ADGRG4: variants seen among roughly 807,000 people sequenced by gnomAD.
ADGRG4 encodes G protein-coupled receptor 112.
In ADGRG4, 122 loss-of-function variants were observed where a neutral mutation model predicts 126.2. That is an observed-to-expected ratio of 0.97 (90% CI 0.83 to 1.12). The LOEUF (loss-of-function observed/expected upper bound fraction) is 1.12, where lower values mean the gene tolerates loss of function less well. ADGRG4 is among the 50% of genes most tolerant of loss of function. The pLI, the probability that ADGRG4 is intolerant of heterozygous loss-of-function variation, is 0.00. For missense variants in ADGRG4, 2,481 were observed against 2,251.8 expected (o/e 1.10, Z -2.06); for synonymous variants, 943 against 838.7 (o/e 1.12, Z -2.15).
intron 4 of ADGRG4, among the ~76,000 whole-genome samples, chrX:136,321,653 G>T (rs1301544186): frequency 9.0e-6 from 1 of 111,536 alleles, no homozygotes; most frequent in African/African-American, 3.3e-5. Context: ...GTAATCCTCA[G>T]ATATTTACCT....
intron 15 of ADGRG4, among the ~76,000 whole-genome samples, 164 bp from the exon 16 acceptor site, chrX:136,387,576 C>CTGTG (rs757720379): frequency 7.3e-5 from 8 of 109,375 alleles, no homozygotes; most frequent in South Asian, 3.9e-4. Context: ...TGGCCTGTGA[C>CTGTG]TGTGTGTGTG....
chrX:136,302,200 T>G (rs145200043), intron 1 of ADGRG4, among the ~76,000 whole-genome samples: 2,351 of 112,124 alleles, frequency 0.021, 27 homozygotes, highest in Non-Finnish European at 0.033. Flanking sequence ...CAATATTGAT[T>G]CTTCCTACCC....
Position 136,354,473 on chromosome X carries a change from A to G in ADGRG4, c.6887+1072A>G, listed in dbSNP as rs2075081549. On this transcript the variant is annotated intron_variant, in intron 8 of 25. Transcript: ENST00000394143. The stretch of plus-strand genomic sequence containing the variant: ...AAACTGTTTTTTTTCCTCTGTTGTC[A>G]TACCAACACAACAATCAATATAGAA... Among the ~76,000 whole-genome samples the G allele has an allele frequency of 3.6e-5, 4 of 111,565 alleles. No individual in the cohort carries two copies. In the South Asian group the frequency reaches 1.5e-3, roughly 42 times the overall value.
At chrX:136,398,211 A>G (rs2075361256) in intron 20 of ADGRG4, among the ~76,000 whole-genome samples, 1 of 112,251 alleles carries the variant, frequency 8.9e-6, no homozygotes, top group Non-Finnish European at 1.9e-5. Flanking sequence ...TTGGGATAGG[A>G]AAAGATTTCT....
chrX:136,403,224 G>T lies in ADGRG4; in HGVS notation c.8576-20G>T, dbSNP rs763673600. ...CCCTGCTACCTGATGAAATGCCTTTGACTTGCTTTCCCACTGCAGGAATCC... is the reference window on the plus strand; with the variant it reads ...CCCTGCTACCTGATGAAATGCCTTTTACTTGCTTTCCCACTGCAGGAATCC... On this transcript the variant is annotated intron_variant, in intron 21 of 25. Coordinates refer to ENST00000394143, the MANE Select transcript of ADGRG4 (RefSeq NM_153834.4). 5.0e-6 allele frequency: 6 copies of T among 1,193,952 alleles called. No homozygotes were observed. In the Admixed American group the frequency reaches 1.3e-4, roughly 26 times the overall value.
At position 136,372,897 on chromosome X, in the gene ADGRG4, T is replaced by G; in HGVS notation, c.7614-5T>G. On this transcript the variant is annotated splice_region_variant and splice_polypyrimidine_tract_variant and intron_variant, in intron 14 of 25. Coordinates refer to ENST00000394143, the MANE Select transcript of ADGRG4 (RefSeq NM_153834.4). Reference sequence around the variant, plus strand: ...ATGCTCTTCTCCATCTGTGGTTTCTTGCAGAATTCTGAGGATAATTGAGCG... The same window carrying G: ...ATGCTCTTCTCCATCTGTGGTTTCTGGCAGAATTCTGAGGATAATTGAGCG... 1 of 1,210,747 alleles carries G rather than the reference T, an allele frequency of 8.3e-7. No homozygotes were observed. Among genetic ancestry groups the G allele is most frequent in the African/African-American group, 1.7e-5 (1 of 57,884 alleles).
chrX:136,390,124 C>T (rs1286773322), intron 16 of ADGRG4, among the ~76,000 whole-genome samples: 1 of 111,620 alleles, frequency 9.0e-6, no homozygotes, highest in Non-Finnish European at 1.9e-5. Flanking sequence ...AATCACAGCT[C>T]ACTGCAACCT....
At chrX:136,333,943 C>T (rs1020445790) in intron 5 of ADGRG4, among the ~76,000 whole-genome samples, 1 of 111,314 alleles carries the variant, frequency 9.0e-6, no homozygotes, top group East Asian at 2.8e-4. Flanking sequence ...CTTTGCTTAG[C>T]CCTAGATCCC....
chrX:136,414,672 A>G (rs972012874), intron 25 of ADGRG4, among the ~76,000 whole-genome samples: 19 of 112,627 alleles, frequency 1.7e-4, no homozygotes, highest in African/African-American at 5.2e-4. Context: ...GTCTAGTCCA[A>G]TCCGTTCATT....
intron 15 of ADGRG4, among the ~76,000 whole-genome samples, chrX:136,386,515 A>G (rs1423099559): frequency 8.9e-6 from 1 of 112,086 alleles, no homozygotes; most frequent in Non-Finnish European, 1.9e-5. Context: ...ACACCCAGCT[A>G]GATAATAGCA....
chrX:136,343,830 T>C (rs1282224668), intron 5 of ADGRG4, among the ~76,000 whole-genome samples: 2 of 111,707 alleles, frequency 1.8e-5, no homozygotes. Flanking sequence ...GGTGTTATTA[T>C]AATCCTCATA....
At chrX:136,360,343 C>A (rs769995770) in intron 11 of ADGRG4, among the ~76,000 whole-genome samples, 8 of 111,253 alleles carry the variant, frequency 7.2e-5, no homozygotes, top group Non-Finnish European at 1.3e-4. Flanking sequence ...AAAATGGGAA[C>A]TTATCATATA....
In ADGRG4 at chrX:136,347,898, G is replaced by A. The variant is rs1603294959; in HGVS notation, c.4192G>A (p.Val1398Ile). Residue 1398 changes from valine (V) to isoleucine (I), a missense_variant, in exon 6 of 26, where the codon GTA (valine) becomes ATA (isoleucine). Val to Ile is a conservative substitution (Grantham distance 29). Coordinates refer to ENST00000394143, the MANE Select transcript of ADGRG4 (RefSeq NM_153834.4). ...TACTCCCAGGACTGTGGAAATGATA[G>A]TAAACTCCACCTATGTGACTCACTC... ...AYTPRTVEMI[V>I]NSTYVTHSVS... is the part of the protein sequence containing the mutation. The A allele has an allele frequency of 5.8e-6, 7 of 1,208,841 alleles. 2 individuals are homozygous for A. In the Admixed American group the frequency reaches 1.5e-4, roughly 26 times the overall value.
intron 4 of ADGRG4, among the ~76,000 whole-genome samples, chrX:136,315,186 T>C (rs1486688551): frequency 9.1e-6 from 1 of 110,314 alleles, no homozygotes; most frequent in East Asian, 2.8e-4. Context: ...GGGTGGCAGA[T>C]AGTGACTCTG....
intron 13 of ADGRG4, among the ~76,000 whole-genome samples, chrX:136,367,054 G>C (rs1024133949): frequency 1.8e-5 from 2 of 110,961 alleles, no homozygotes; most frequent in African/African-American, 3.3e-5. Context: ...AAAAAATGGC[G>C]GTCTATGAGC....
At chrX:136,394,387 T>G (rs892067364) in intron 18 of ADGRG4, among the ~76,000 whole-genome samples, 1 of 111,263 alleles carries the variant, frequency 9.0e-6, no homozygotes, top group African/African-American at 3.3e-5. Context: ...AAGTGAGGAG[T>G]CCTTCTGCCT....
chrX:136,371,853 C>A lies in ADGRG4; in HGVS notation c.7613+309C>A, dbSNP rs189787908. Among the ~76,000 whole-genome samples the A allele has an allele frequency of 2.5e-3, 276 of 111,497 alleles. 1 individual carries two copies. The highest frequency in any genetic ancestry group is 4.4e-3 in the Non-Finnish European group (235 of 53,008). On this transcript the variant is annotated intron_variant, in intron 14 of 25. Transcript: ENST00000394143. ...ATACGACCCTATTTTATATCAGGAACTTGAGCATCCGTGGATTTTTGTATT... is the reference window on the plus strand; with the variant it reads ...ATACGACCCTATTTTATATCAGGAAATTGAGCATCCGTGGATTTTTGTATT...
intron 13 of ADGRG4, among the ~76,000 whole-genome samples, chrX:136,366,699 G>C (rs974033183): frequency 8.9e-6 from 1 of 112,292 alleles, no homozygotes; most frequent in African/African-American, 3.2e-5. Flanking sequence ...AGCATTTAGT[G>C]TTGTCAGTGT....
chrX:136,405,888 C>T lies in ADGRG4; in HGVS notation c.8851C>T (p.Leu2951Phe). The T allele has an allele frequency of 8.3e-7, 1 of 1,198,823 alleles. No individual in the cohort carries two copies. The highest frequency in any genetic ancestry group is 1.1e-6 in the Non-Finnish European group (1 of 888,499). The change falls in exon 23 of 26, where the codon CTC becomes TTC. Residue 2951 changes from leucine (L) to phenylalanine (F), a missense_variant. Transcript: ENST00000394143. ...GTMSLTFLLG[L>F]TWGFAFFAWG... ...AATGAGCCTGACATTCTTACTTGGC[C>T]TCACCTGGGGGTTTGCATTTTTTGC... is the stretch of plus-strand genomic sequence containing the variant.
Sources: allele counts gnomAD v4.1 joint callset (sites outside exome capture counted in the v4.1 genomes callset), GRCh38; gene constraint gnomAD v4.1.1; transcripts MANE v1.5; gene names NCBI Gene and HGNC (gene_info 2026-07-23, HGNC 2026-07-21).